The following SMAP1 variants were observed in gnomAD, a reference collection of about 807,000 sequenced individuals.
SMAP1 encodes stromal membrane-associated protein 1.
Under a neutral mutation model 58.5 loss-of-function variants are expected in SMAP1, and 24 were observed. The observed-to-expected ratio is 0.41, with a 90% CI of 0.30 to 0.58. The LOEUF is 0.58. Among genes scored for constraint, SMAP1 ranks in the 20% least tolerant of loss-of-function variants. The pLI is 0.29. For missense variants in SMAP1, 563 were observed against 566.3 expected (o/e 0.99, Z 0.06); for synonymous variants, 216 against 196.6 (o/e 1.10, Z -0.82).
chr6:70,845,691 A>G (rs774277753), intron 7 of SMAP1, among the ~76,000 whole-genome samples: 1 of 152,214 alleles, frequency 6.6e-6, no homozygotes, highest in Non-Finnish European at 1.5e-5. Context: ...ACCCATCTGT[A>G]TCTTATCATA....
Position 70,667,982 on chromosome 6 carries a change from C to T in SMAP1, c.-42C>T, listed in dbSNP as rs373136028. ...TCTGCCCGGCTCCAGCCAGCGTCCG[C>T]CGCCGCCGTAGCTGCCCCAGGCTCC... On this transcript the variant is annotated 5_prime_UTR_variant, in exon 1 of 11. Coordinates refer to ENST00000370455, the MANE Select transcript of SMAP1 (RefSeq NM_001044305.3). The T allele has an allele frequency of 8.5e-6, 13 of 1,527,134 alleles. No homozygotes were observed. The African/African-American group carries it at 1.6e-4, about 18-fold the overall frequency. 94.6% of individuals were successfully genotyped at this position (1,527,134 alleles called of 1,614,324 possible). A position where few individuals can be genotyped will look rare whatever the true frequency, so the allele number is the denominator to read the frequency against.
intron 6 of SMAP1, among the ~76,000 whole-genome samples, chr6:70,820,453 T>A (rs181499700): frequency 5.3e-5 from 8 of 152,200 alleles, no homozygotes; most frequent in African/African-American, 1.9e-4. Flanking sequence ...GGCTCACGCC[T>A]GTAGTCCCAG....
At chr6:70,792,721 C>T (rs1458896927) in intron 5 of SMAP1, among the ~76,000 whole-genome samples, 1 of 152,046 alleles carries the variant, frequency 6.6e-6, no homozygotes, top group South Asian at 2.1e-4. Context: ...AATGGCATAA[C>T]TGAAATATGA....
At chr6:70,733,999 T>C (rs534270116) in intron 2 of SMAP1, among the ~76,000 whole-genome samples, 1 of 88,154 alleles carries the variant, frequency 1.1e-5, no homozygotes, top group Non-Finnish European at 2.1e-5. Flanking sequence ...TGGCAATATA[T>C]TGGATTTTTT....
At chr6:70,676,398 G>A (rs1766484074) in intron 1 of SMAP1, among the ~76,000 whole-genome samples, 1 of 152,176 alleles carries the variant, frequency 6.6e-6, no homozygotes. Context: ...GTCTGGAGGA[G>A]CAAGGATGAA....
At chr6:70,807,920 CATAA>C (rs1452415670) in intron 6 of SMAP1, among the ~76,000 whole-genome samples, 8 of 151,538 alleles carry the variant, frequency 5.3e-5, no homozygotes, top group African/African-American at 1.7e-4. Flanking sequence ...TTACAAATAA[CATAA>C]ATAGTCAATA....
At chr6:70,809,660 G>A (rs566758307) in intron 6 of SMAP1, among the ~76,000 whole-genome samples, 1 of 152,154 alleles carries the variant, frequency 6.6e-6, no homozygotes, top group Non-Finnish European at 1.5e-5. Flanking sequence ...ATGCGTGAAT[G>A]CATTTTAGAA....
At chr6:70,670,558 A>C (rs1191080213) in intron 1 of SMAP1, among the ~76,000 whole-genome samples, 1 of 152,202 alleles carries the variant, frequency 6.6e-6, no homozygotes, top group African/African-American at 2.4e-5. Context: ...ATGACATAAT[A>C]AATATAGTAC....
At chr6:70,793,279 C>T (rs1260006640) in intron 5 of SMAP1, among the ~76,000 whole-genome samples, 2 of 152,064 alleles carry the variant, frequency 1.3e-5, no homozygotes, top group Admixed American at 6.6e-5. Context: ...GTGATCCACC[C>T]GACTCGGGCT....
intron 1 of SMAP1, 30 bp downstream of exon 1, chr6:70,668,171 C>G: frequency 6.4e-7 from 1 of 1,571,598 alleles, no homozygotes; most frequent in Non-Finnish European, 8.7e-7. Flanking sequence ...TGCCCACGGT[C>G]GGGGCCTCTT....
chr6:70,730,679 A>G (rs1765394407), intron 1 of SMAP1, among the ~76,000 whole-genome samples: 1 of 152,206 alleles, frequency 6.6e-6, no homozygotes, highest in South Asian at 2.1e-4. Flanking sequence ...TTGGGGGGGC[A>G]TTATTTTTAA....
intron 3 of SMAP1, among the ~76,000 whole-genome samples, chr6:70,770,797 T>A (rs959176259): frequency 4.6e-5 from 7 of 152,238 alleles, no homozygotes; most frequent in African/African-American, 1.4e-4. Flanking sequence ...GATGAGGAGC[T>A]GCGTTCCTTT....
intron 1 of SMAP1, chr6:70,668,437 G>C (rs1766126823): frequency 1.6e-6 from 2 of 1,283,858 alleles, no homozygotes; most frequent in South Asian, 1.6e-5. Context: ...CCACAGGGCT[G>C]GGGGTAGGAG....
At chr6:70,710,765 CTT>C (rs765851795) in intron 1 of SMAP1, among the ~76,000 whole-genome samples, 1 of 152,148 alleles carries the variant, frequency 6.6e-6, no homozygotes, top group Non-Finnish European at 1.5e-5. Flanking sequence ...CTTCTTGACT[CTT>C]TTGTAATAAC....
At chr6:70,773,464 C>G (rs950728) in intron 4 of SMAP1, 39 bp downstream of exon 4, 1 of 1,246,028 alleles carries the variant, frequency 8.0e-7, no homozygotes, top group Non-Finnish European at 1.1e-6. Context: ...TGTTTGTTGA[C>G]TAGATTTCAA....
chr6:70,847,920 C>T (rs1313543758), intron 7 of SMAP1, among the ~76,000 whole-genome samples: 1 of 152,034 alleles, frequency 6.6e-6, no homozygotes, highest in Non-Finnish European at 1.5e-5. Context: ...TGTGTGACTA[C>T]ATGTGTGTGC....
At chr6:70,713,954 T>C (rs528399639) in intron 1 of SMAP1, among the ~76,000 whole-genome samples, 2 of 152,300 alleles carry the variant, frequency 1.3e-5, no homozygotes, top group African/African-American at 4.8e-5. Flanking sequence ...ACAATTGTTA[T>C]ATCTTCTTGT....
chr6:70,838,702 T>C (rs1770694348), intron 7 of SMAP1, among the ~76,000 whole-genome samples: 1 of 150,800 alleles, frequency 6.6e-6, no homozygotes, highest in Admixed American at 6.6e-5. Context: ...AGTGGAATGA[T>C]CTAGGGGAGA....
At chr6:70,685,079 AAAGT>A in intron 1 of SMAP1, among the ~76,000 whole-genome samples, 1 of 152,260 alleles carries the variant, frequency 6.6e-6, no homozygotes, top group South Asian at 2.1e-4. Context: ...TGTCTGGCAC[AAAGT>A]AAGGGTTTGA....
Sources: allele counts gnomAD v4.1 joint callset (sites outside exome capture counted in the v4.1 genomes callset), GRCh38; gene constraint gnomAD v4.1.1; transcripts MANE v1.5; gene names NCBI Gene and HGNC (gene_info 2026-07-23, HGNC 2026-07-21).